Variants in SCN7A observed in about 807,000 individuals in gnomAD.
The protein encoded by SCN7A is sodium voltage-gated channel alpha subunit 7.
Under a neutral mutation model 155.2 loss-of-function variants are expected in SCN7A, and 138 were observed. The ratio of observed to expected loss-of-function variants is 0.89; its 90% CI spans 0.77 to 1.02. The LOEUF is 1.02. SCN7A is among the 50% of genes least tolerant of loss of function. The probability of loss-of-function intolerance (pLI) is 0.00; values close to 1 mark genes in which losing one functional copy is unlikely to be tolerated. For synonymous variants in SCN7A, 693 were observed against 649.0 expected, an observed-to-expected ratio of 1.07 and a Z score of -1.03; for missense variants, 2,058 against 1,986.6, an observed-to-expected ratio of 1.04 and a Z score of -0.68.
In SCN7A at chr2:166,432,493, T is replaced by C. The variant is rs780052196; in HGVS notation, c.2417A>G (p.Lys806Arg). 6.2e-7 allele frequency: 1 copy of C among 1,613,658 alleles called. No individual in the cohort carries two copies. Among genetic ancestry groups the C allele is most frequent in the Non-Finnish European group, 8.5e-7 (1 of 1,179,686 alleles). The change falls in exon 16 of 26, where the codon AAA becomes AGA. Residue 806 changes from lysine (K) to arginine (R), a missense_variant. Transcript: ENST00000643258. Reference protein sequence around the residue: ...SELSNTQDFLKDKEKSSGTEK... With the variant: ...SELSNTQDFLRDKEKSSGTEK... ...TGTGCCACTGCTTTTTTCCTTATCTTTGAGAAAATCTTGGGTGTTGCTCAA... is the reference window on the plus strand; with the variant it reads ...TGTGCCACTGCTTTTTTCCTTATCTCTGAGAAAATCTTGGGTGTTGCTCAA...
At chr2:166,469,185 T>C (rs1279186692) in intron 7 of SCN7A, among the ~76,000 whole-genome samples, 1 of 151,692 alleles carries the variant, frequency 6.6e-6, no homozygotes, top group African/African-American at 2.4e-5. Flanking sequence ...CCTTCATTAA[T>C]CCATTCCATT....
At chr2:166,411,877 C>A (rs1032329058) in intron 23 of SCN7A, among the ~76,000 whole-genome samples, 3 of 152,022 alleles carry the variant, frequency 2.0e-5, no homozygotes, top group Non-Finnish European at 4.4e-5. Flanking sequence ...TTAAACTATT[C>A]TTTCCTTTGA....
Position 166,427,681 on chromosome 2 carries a change from T to C in SCN7A, c.2853+107A>G, listed in dbSNP as rs796767951. On this transcript the variant is annotated intron_variant, in intron 18 of 25. Coordinates refer to ENST00000643258, the MANE Select transcript of SCN7A (RefSeq NM_002976.4). ...TGAAATTTGGTGCTATTTGGTGCTA[T>C]ACTAAATATCCTTGGAAATGTAATC... 8.2e-6 allele frequency: 8 copies of C among 980,392 alleles called. 1 individual carries two copies. The African/African-American group carries it at 1.3e-4, about 16-fold the overall frequency. The allele number at this position is 980,392 out of a possible 1,614,324, so 60.7% of individuals were successfully genotyped here. A position where few individuals can be genotyped will look rare whatever the true frequency, so the allele number is the denominator to read the frequency against.
chr2:166,443,123 G>A (rs1701994222), intron 14 of SCN7A, among the ~76,000 whole-genome samples: 1 of 151,874 alleles, frequency 6.6e-6, no homozygotes, highest in Admixed American at 6.6e-5. Context: ...CATTCTCCTG[G>A]TCTGACTGGT....
In SCN7A at chr2:166,405,647, T is replaced by C; in HGVS notation, c.4982A>G (p.His1661Arg). The change falls in exon 26 of 26, where the codon CAT becomes CGT. Residue 1661 changes from histidine to arginine, a missense_variant. By Grantham distance (29) the His-to-Arg change is conservative. Transcript: ENST00000643258. ...AAAATAGGCACCTTCTTTAGTAGCA[T>C]GAACATCTCTGTCACCATCTATCAT... is the stretch of plus-strand genomic sequence containing the variant. ...IHMIDGDRDV[H>R]ATKEGAYFDK... The C allele has an allele frequency of 1.9e-6, 3 of 1,612,236 alleles. No homozygotes were observed. The highest frequency in any genetic ancestry group is 1.1e-5 in the South Asian group (1 of 90,812).
intron 23 of SCN7A, 31 bp downstream of exon 23, chr2:166,412,499 C>A: frequency 7.2e-7 from 1 of 1,380,498 alleles, no homozygotes; most frequent in Non-Finnish European, 9.4e-7. Flanking sequence ...TTTTCTCAGA[C>A]ATTGGATAAA....
intron 14 of SCN7A, among the ~76,000 whole-genome samples, chr2:166,441,970 G>GT (rs1249636612): frequency 1.3e-5 from 2 of 152,062 alleles, no homozygotes; most frequent in Non-Finnish European, 2.9e-5. Context: ...TTCTACTGAT[G>GT]TATTTGCCAA....
chr2:166,409,740 T>C lies in SCN7A; in HGVS notation c.3907A>G (p.Ile1303Val), dbSNP rs1191252560. Residue 1303 changes from isoleucine (I) to valine (V), a missense_variant, in exon 25 of 26, where the codon ATC (isoleucine) becomes GTC (valine). Transcript: ENST00000643258. ...LYTMECILKL[I>V]AFRCFYFTIA... ...GTGAAATAAAAACAACGGAAAGCGATGAGCTTCAGTATACATTCCATAGTA... is the reference window on the plus strand; with the variant it reads ...GTGAAATAAAAACAACGGAAAGCGACGAGCTTCAGTATACATTCCATAGTA... 3.9e-6 allele frequency: 6 copies of C among 1,551,954 alleles called. No homozygotes were observed. The highest frequency in any genetic ancestry group is 4.4e-6 in the Non-Finnish European group (5 of 1,147,656).
intron 15 of SCN7A, among the ~76,000 whole-genome samples, chr2:166,434,192 T>C (rs1329276502): frequency 6.6e-6 from 1 of 152,100 alleles, no homozygotes; most frequent in Admixed American, 6.6e-5. Context: ...GGGATAATAG[T>C]GTTTAATCCT....
intron 1 of SCN7A, among the ~76,000 whole-genome samples, chr2:166,488,724 G>A (rs75316342): frequency 7.7e-4 from 116 of 151,062 alleles, no homozygotes; most frequent in Admixed American, 2.3e-3. Flanking sequence ...TGCAACCTAC[G>A]CCTCCCTGAG....
chr2:166,429,422 T>C, intron 16 of SCN7A, 148 bp from the exon 17 acceptor site: 1 of 595,954 alleles, frequency 1.7e-6, no homozygotes, highest in Non-Finnish European at 2.9e-6. Flanking sequence ...ATTTCATGAC[T>C]GAGATTAAAA....
intron 19 of SCN7A, among the ~76,000 whole-genome samples, chr2:166,422,366 A>G (rs1433182652): frequency 3.3e-5 from 5 of 152,146 alleles, no homozygotes; most frequent in Non-Finnish European, 7.4e-5. Flanking sequence ...AAAATAAATG[A>G]ACAAATGGTA....
intron 18 of SCN7A, among the ~76,000 whole-genome samples, chr2:166,424,454 C>G (rs960885988): frequency 6.6e-6 from 1 of 151,948 alleles, no homozygotes; most frequent in Non-Finnish European, 1.5e-5. Flanking sequence ...CAACAAAGAG[C>G]AGATGGGCCC....
intron 23 of SCN7A, among the ~76,000 whole-genome samples, chr2:166,411,338 C>T (rs1169901380): frequency 6.6e-6 from 1 of 152,046 alleles, no homozygotes; most frequent in Non-Finnish European, 1.5e-5. Flanking sequence ...CACATCCACT[C>T]AGTCTATGCC....
chr2:166,472,635 T>G (rs928033964), intron 5 of SCN7A, among the ~76,000 whole-genome samples, 190 bp from the exon 6 acceptor site: 1 of 152,010 alleles, frequency 6.6e-6, no homozygotes, highest in East Asian at 1.9e-4. Context: ...CAAGTGCTCC[T>G]TGAGCCCTAG....
chr2:166,474,033 G>A (rs1359783094), intron 4 of SCN7A, 145 bp from the exon 5 acceptor site: 1 of 522,876 alleles, frequency 1.9e-6, no homozygotes, highest in Non-Finnish European at 3.3e-6. Context: ...CTATTGTTGT[G>A]TATATTAGAA....
At position 166,486,120 on chromosome 2, in the gene SCN7A, AT is replaced by A. The variant is rs775624124; in HGVS notation, c.-15+735del. 4.6e-5 allele frequency among the ~76,000 whole-genome samples: 7 copies of A among 152,286 alleles called. No individual in the cohort carries two copies. In the East Asian group the frequency reaches 1.2e-3, roughly 25 times the overall value. On this transcript the variant is annotated intron_variant, in intron 2 of 25. Transcript: ENST00000643258. Reference sequence around the variant, plus strand: ...CAACCTCTGTTTAAAAAGTTCCAGAATTAGGACATCCCTGGGACTCTTCGGG... The same window carrying A: ...CAACCTCTGTTTAAAAAGTTCCAGAATAGGACATCCCTGGGACTCTTCGGG...
chr2:166,412,881 C>T (rs1701231802), intron 22 of SCN7A, among the ~76,000 whole-genome samples, 187 bp downstream of exon 22: 1 of 152,008 alleles, frequency 6.6e-6, no homozygotes, highest in Admixed American at 6.6e-5. Context: ...GTCTGGTAAT[C>T]TTTCAAATGG....
chr2:166,415,466 G>T (rs1196925852), intron 21 of SCN7A, among the ~76,000 whole-genome samples: 1 of 151,744 alleles, frequency 6.6e-6, no homozygotes, highest in African/African-American at 2.4e-5. Flanking sequence ...CTCATGATCT[G>T]CCCACCTCGG....
Sources: allele counts gnomAD v4.1 joint callset (sites outside exome capture counted in the v4.1 genomes callset), GRCh38; gene constraint gnomAD v4.1.1; transcripts MANE v1.5; gene names NCBI Gene and HGNC (gene_info 2026-07-23, HGNC 2026-07-21).